Variants in ESF1 observed in about 807,000 individuals in gnomAD.
ESF1 encodes ESF1 homolog.
A neutral mutation model predicts 92.0 loss-of-function variants in ESF1; 58 were observed. The observed-to-expected ratio is 0.63, with a 90% CI of 0.51 to 0.78. The LOEUF (loss-of-function observed/expected upper bound fraction) is 0.78. Ranked by LOEUF, ESF1 falls within the 30% of genes least tolerant of loss-of-function variation. The pLI is 0.00. For missense variants in ESF1, 922 were observed against 989.1 expected (o/e 0.93, Z 0.91); for synonymous variants, 321 against 313.7 (o/e 1.02, Z -0.24).
chr20:13,772,952 C>G (rs577523328), intron 4 of ESF1, among the ~76,000 whole-genome samples: 3 of 152,232 alleles, frequency 2.0e-5, no homozygotes, highest in Admixed American at 6.5e-5. Context: ...TAAAAACACA[C>G]ACATGAAAAA....
intron 9 of ESF1, among the ~76,000 whole-genome samples, chr20:13,748,254 T>C (rs1441466951): frequency 2.0e-5 from 3 of 152,068 alleles, no homozygotes. Context: ...CTTAAGCAAG[T>C]CTATGCTTCA....
At chr20:13,771,544 A>C in intron 5 of ESF1, 61 bp from the exon 6 acceptor site, 1 of 1,334,668 alleles carries the variant, frequency 7.5e-7, no homozygotes, top group Non-Finnish European at 1.0e-6. Flanking sequence ...TCCCTTTAAA[A>C]AATAAATGTA....
chr20:13,772,063 T>C (rs1979711008), intron 5 of ESF1, among the ~76,000 whole-genome samples: 1 of 151,678 alleles, frequency 6.6e-6, no homozygotes, highest in South Asian at 2.1e-4. Flanking sequence ...TTAAAAACTA[T>C]CTTAAATTAT....
At chr20:13,772,655 C>A in intron 4 of ESF1, 40 bp from the exon 5 acceptor site, 1 of 1,386,800 alleles carries the variant, frequency 7.2e-7, no homozygotes, top group Non-Finnish European at 1.0e-6. Flanking sequence ...TTTGTACATT[C>A]CTTTACACAA....
Position 13,783,118 on chromosome 20 carries a change from A to G in ESF1, c.23T>C (p.Met8Thr), listed in dbSNP as rs770022970. The change falls in exon 2 of 14, where the codon ATG becomes ACG. Residue 8 changes from methionine to threonine, a missense_variant. Met to Thr is a moderately conservative substitution (Grantham distance 81). Coordinates refer to ENST00000617257, the MANE Select transcript of ESF1 (RefSeq NM_001276380.2). ...AACCCGTCTAAACCGCTGGTCACTC[A>G]TTATTTCTTGTTTGGATGACATTTT... MSSKQEIMSDQRFRRVAK... is the reference protein window; with the variant it reads MSSKQEITSDQRFRRVAK... 2.5e-6 allele frequency: 4 copies of G among 1,599,050 alleles called. No homozygotes were observed. Among genetic ancestry groups the G allele is most frequent in the Non-Finnish European group, 3.4e-6 (4 of 1,168,866 alleles).
Position 13,766,779 on chromosome 20 carries a change from T to C in ESF1, c.1664A>G (p.Gln555Arg). 2.5e-6 allele frequency: 4 copies of C among 1,613,228 alleles called. No homozygotes were observed. Among genetic ancestry groups the C allele is most frequent in the Non-Finnish European group, 3.4e-6 (4 of 1,179,746 alleles). ...GGTCACTGAAAGATTAACAATACCTTGTAGCTCCTCTTCTATCTCCTCTTC... is the reference window on the plus strand; with the variant it reads ...GGTCACTGAAAGATTAACAATACCTCGTAGCTCCTCTTCTATCTCCTCTTC... ...EDEEEIEEELQGDDGVNVEED... is the reference protein window; with the variant it reads ...EDEEEIEEELRGDDGVNVEED... Residue 555 changes from glutamine (Q) to arginine (R), a missense_variant and splice_region_variant, in exon 8 of 14, where the codon CAA (glutamine) becomes CGA (arginine). Coordinates refer to ENST00000617257, the MANE Select transcript of ESF1 (RefSeq NM_001276380.2).
chr20:13,782,827 ATTTC>A lies in ESF1; in HGVS notation c.310_313del (p.Glu104SerfsTer6). On this transcript the variant is annotated frameshift_variant, in exon 2 of 14. Coordinates refer to ENST00000617257, the MANE Select transcript of ESF1 (RefSeq NM_001276380.2). LOFTEE classifies it high-confidence loss of function. ...TTTCTCAACTAGATTTTTTGAATCGATTTCTTTTTTAGTCTGGGTTTTTTTCTTC... is the reference window on the plus strand; with the variant it reads ...TTTCTCAACTAGATTTTTTGAATCGATTTTTTAGTCTGGGTTTTTTTCTTC... 1 of 1,603,188 alleles carries A rather than the reference ATTTC, an allele frequency of 6.2e-7. No homozygotes were observed. Among genetic ancestry groups the A allele is most frequent in the Non-Finnish European group, 8.5e-7 (1 of 1,177,640 alleles).
At chr20:13,762,293 A>T (rs1165207179) in intron 8 of ESF1, among the ~76,000 whole-genome samples, 1 of 152,182 alleles carries the variant, frequency 6.6e-6, no homozygotes, top group Non-Finnish European at 1.5e-5. Context: ...AACAGCTGAA[A>T]TTCATTTTTT....
intron 11 of ESF1, among the ~76,000 whole-genome samples, chr20:13,723,528 G>C (rs1343432147): frequency 4.3e-5 from 4 of 93,232 alleles, no homozygotes; most frequent in Non-Finnish European, 8.1e-5. Context: ...ACTCTCATTT[G>C]ACACCAAGTT....
chr20:13,732,658 C>T (rs1193694620), intron 10 of ESF1, among the ~76,000 whole-genome samples: 1 of 152,070 alleles, frequency 6.6e-6, no homozygotes, highest in Non-Finnish European at 1.5e-5. Context: ...CAGGGCTGGA[C>T]TAGAATTAAT....
Position 13,775,321 on chromosome 20 carries a change from C to T in ESF1, c.1036-51G>A, listed in dbSNP as rs769261860. The T allele has an allele frequency of 1.8e-5, 22 of 1,191,342 alleles. No homozygotes were observed. The Admixed American group carries it at 4.3e-4, about 23-fold the overall frequency. 73.8% of individuals were successfully genotyped at this position (1,191,342 alleles called of 1,614,324 possible). On this transcript the variant is annotated intron_variant, in intron 3 of 13. Transcript: ENST00000617257. ...TACATAATCCATATCATTCTCAATA[C>T]TTGAAAAATAAAGATTCTAAAAATG...
chr20:13,782,389 A>AT, intron 2 of ESF1, 115 bp downstream of exon 2: 1 of 852,786 alleles, frequency 1.2e-6, no homozygotes, highest in Non-Finnish European at 1.7e-6. Context: ...CCAGATAAGC[A>AT]TTTGACCATT....
At chr20:13,761,142 CG>C (rs1277838067) in intron 8 of ESF1, among the ~76,000 whole-genome samples, 1 of 152,032 alleles carries the variant, frequency 6.6e-6, no homozygotes, top group South Asian at 2.1e-4. Flanking sequence ...GGATTAAAGG[CG>C]GTGTAAGATG....
chr20:13,717,258 C>T (rs1473028802), intron 13 of ESF1, 110 bp downstream of exon 13: 6 of 1,314,462 alleles, frequency 4.6e-6, no homozygotes, highest in Admixed American at 2.0e-5. Flanking sequence ...CTGCACCGGG[C>T]CCCTAAGACA....
chr20:13,724,396 A>G (rs2049887692), intron 11 of ESF1, among the ~76,000 whole-genome samples: 2 of 152,250 alleles, frequency 1.3e-5, no homozygotes, highest in Admixed American at 1.3e-4. Flanking sequence ...ACAGATCCTT[A>G]TATCTGGAAG....
Position 13,784,772 on chromosome 20 carries a change from G to T in ESF1, c.-44+108C>A, listed in dbSNP as rs575046109. The T allele has an allele frequency of 8.2e-5, 37 of 452,022 alleles. 1 individual carries two copies. The highest frequency in any genetic ancestry group is 1.3e-3 in the Middle Eastern group (2 of 1,578). 28.0% of individuals were successfully genotyped at this position (452,022 alleles called of 1,614,324 possible). ...GGAGGAAGGGGCAAAACCCCTCGCAGATCCGAAAGAGATCCTGTTAGAGAC... is the reference window on the plus strand; with the variant it reads ...GGAGGAAGGGGCAAAACCCCTCGCATATCCGAAAGAGATCCTGTTAGAGAC... On this transcript the variant is annotated intron_variant, in intron 1 of 13. Transcript: ENST00000617257.
rs1198338219 is a variant in ESF1 at position 13,772,923 on chromosome 20, A to C, written c.1150-308T>G. 2.6e-5 allele frequency among the ~76,000 whole-genome samples: 4 copies of C among 152,212 alleles called. No individual in the cohort carries two copies. The East Asian group carries it at 7.7e-4, about 29-fold the overall frequency. On this transcript the variant is annotated intron_variant, in intron 4 of 13. Transcript: ENST00000617257. Reference sequence around the variant, plus strand: ...AAAATTAAAAGCAAAACAAGATGCTAAGCTCAAGGAAATGTGAATAAAAAC... The same window carrying C: ...AAAATTAAAAGCAAAACAAGATGCTCAGCTCAAGGAAATGTGAATAAAAAC...
rs565012552 is a variant in ESF1 at position 13,774,641 on chromosome 20, A to G, written c.1149+516T>C. Among the ~76,000 whole-genome samples, 226 of 152,360 alleles carry G rather than the reference A, an allele frequency of 1.5e-3. 1 individual carries two copies. The highest frequency in any genetic ancestry group is 5.2e-3 in the African/African-American group (216 of 41,582). On this transcript the variant is annotated intron_variant, in intron 4 of 13. Coordinates refer to ENST00000617257, the MANE Select transcript of ESF1 (RefSeq NM_001276380.2). Reference sequence around the variant, plus strand: ...GGATCACATAACACTTACGAGAATCAAGATTTGAACCCAGGTCTGCAATAA... The same window carrying G: ...GGATCACATAACACTTACGAGAATCGAGATTTGAACCCAGGTCTGCAATAA...
At chr20:13,743,483 G>T (rs937668578) in intron 9 of ESF1, among the ~76,000 whole-genome samples, 2 of 152,126 alleles carry the variant, frequency 1.3e-5, no homozygotes, top group African/African-American at 4.8e-5. Flanking sequence ...CAACCTAAGT[G>T]TCCATCAGCA....
Sources: allele counts gnomAD v4.1 joint callset (sites outside exome capture counted in the v4.1 genomes callset), GRCh38; gene constraint gnomAD v4.1.1; transcripts MANE v1.5; gene names NCBI Gene and HGNC (gene_info 2026-07-23, HGNC 2026-07-21).